GPD1L: variants seen among roughly 807,000 people sequenced by gnomAD.
The protein encoded by GPD1L is glycerol-3-phosphate dehydrogenase 1 like.
In GPD1L, 17 loss-of-function variants were observed where a neutral mutation model predicts 32.9. The observed-to-expected ratio is 0.52, with a 90% confidence interval of 0.35 to 0.78. The LOEUF (loss-of-function observed/expected upper bound fraction) is 0.78. Among genes scored for constraint, GPD1L ranks in the 30% least tolerant of loss-of-function variants. GPD1L has a pLI of 0.01. For synonymous variants in GPD1L, 187 were observed against 165.9 expected (o/e 1.13, Z -0.98); for missense variants, 361 against 447.8 (o/e 0.81, Z 1.75).
At chr3:32,107,215 T>C (rs1700176986) in intron 1 of GPD1L, among the ~76,000 whole-genome samples, 2 of 152,108 alleles carry the variant, frequency 1.3e-5, no homozygotes, top group South Asian at 4.1e-4. Context: ...GCTGCCCAGG[T>C]CACGGGCGGG....
intron 1 of GPD1L, among the ~76,000 whole-genome samples, chr3:32,123,035 G>T (rs944345524): frequency 2.0e-5 from 3 of 151,992 alleles, no homozygotes; most frequent in African/African-American, 7.2e-5. Context: ...CTCCTGAGTC[G>T]CTAGGACTAC....
chr3:32,108,944 G>T (rs908546745), intron 1 of GPD1L, among the ~76,000 whole-genome samples: 1 of 152,196 alleles, frequency 6.6e-6, no homozygotes. Context: ...CCGCTTCCTG[G>T]GTTCATGCCA....
At chr3:32,155,049 C>T (rs376513960) in intron 5 of GPD1L, among the ~76,000 whole-genome samples, 4 of 152,280 alleles carry the variant, frequency 2.6e-5, no homozygotes, top group African/African-American at 9.6e-5. Context: ...ACCGTTTTTA[C>T]CTCCCAAGCC....
chr3:32,160,378 G>T lies in GPD1L; in HGVS notation c.959+704G>T, dbSNP rs1205557492. On this transcript the variant is annotated intron_variant, in intron 7 of 7. Transcript: ENST00000282541. The stretch of plus-strand genomic sequence containing the variant: ...AGATGGATGGATGGATGGATGGATG[G>T]ATGGATTATGGATGGGTGCATGGGT... Among the ~76,000 whole-genome samples, 4 of 58,648 alleles carry T rather than the reference G, an allele frequency of 6.8e-5. 1 individual carries two copies. The highest frequency in any genetic ancestry group is 2.2e-4 in the African/African-American group (2 of 9,260). 38.5% of individuals were successfully genotyped at this position (58,648 alleles called of 152,430 possible).
intron 2 of GPD1L, among the ~76,000 whole-genome samples, chr3:32,130,384 A>G (rs1333909287): frequency 3.3e-5 from 5 of 152,092 alleles, no homozygotes; most frequent in African/African-American, 9.7e-5. Context: ...TACAGTTTTT[A>G]ATCATTGTTT....
chr3:32,106,671 G>T lies in GPD1L; in HGVS notation c.-41G>T. ...CTGAACAGGCGGAGGTGGGCAGCCG[G>T]CCAGGGAAGCACGGTCCAGGCGGCT... On this transcript the variant is annotated 5_prime_UTR_variant, in exon 1 of 8. Coordinates refer to ENST00000282541, the MANE Select transcript of GPD1L (RefSeq NM_015141.4). This position sits in a 1 kb window ranked among gnomAD's most constrained non-coding sequence, Gnocchi z 4.0. 6.7e-7 allele frequency: 1 copy of T among 1,499,522 alleles called. No individual in the cohort carries two copies. The highest frequency in any genetic ancestry group is 8.9e-7 in the Non-Finnish European group (1 of 1,121,254). 92.9% of individuals were successfully genotyped at this position (1,499,522 alleles called of 1,614,324 possible).
At chr3:32,124,214 C>T (rs764205416) in intron 1 of GPD1L, among the ~76,000 whole-genome samples, 19 of 152,108 alleles carry the variant, frequency 1.2e-4, no homozygotes, top group Non-Finnish European at 2.2e-4. Context: ...TACAGGCGCA[C>T]GCCACCATGC....
chr3:32,135,560 C>T (rs1226759173), intron 2 of GPD1L, among the ~76,000 whole-genome samples: 2 of 152,138 alleles, frequency 1.3e-5, no homozygotes, highest in East Asian at 3.9e-4. Flanking sequence ...TCAAGTGATT[C>T]TCATGCCTCA....
At chr3:32,129,488 T>C (rs1700557302) in intron 2 of GPD1L, among the ~76,000 whole-genome samples, 1 of 152,210 alleles carries the variant, frequency 6.6e-6, no homozygotes, top group Non-Finnish European at 1.5e-5. Context: ...ATACTACTGG[T>C]TTTCCTATTA....
chr3:32,150,921 G>A (rs998158560), intron 5 of GPD1L, among the ~76,000 whole-genome samples: 4 of 151,942 alleles, frequency 2.6e-5, no homozygotes, highest in African/African-American at 9.7e-5. Flanking sequence ...GAGACCCCCC[G>A]CATCTCTACA....
At chr3:32,108,119 C>A (rs1490639215) in intron 1 of GPD1L, among the ~76,000 whole-genome samples, 1 of 152,224 alleles carries the variant, frequency 6.6e-6, no homozygotes, top group African/African-American at 2.4e-5. Flanking sequence ...ACAACCAGGG[C>A]TGGGCGCAGT....
chr3:32,124,212 C>T (rs1700471190), intron 1 of GPD1L, among the ~76,000 whole-genome samples: 1 of 152,126 alleles, frequency 6.6e-6, no homozygotes, highest in Non-Finnish European at 1.5e-5. Context: ...ACTACAGGCG[C>T]ACGCCACCAT....
rs1205282761 is a variant in GPD1L at position 32,106,896 on chromosome 3, T to G, written c.47+138T>G. ...GAGGCGGGGTGGGCGACCTCGTTGC[T>G]GGGCTGGGCACCGTGCGCCCGAGGA... On this transcript the variant is annotated intron_variant, in intron 1 of 7. Coordinates refer to ENST00000282541, the MANE Select transcript of GPD1L (RefSeq NM_015141.4). The surrounding 1 kb of genome is among the most constrained non-coding windows in gnomAD (Gnocchi z 4.0). The G allele has an allele frequency of 1.3e-6, 1 of 755,370 alleles. No homozygotes were observed. Among genetic ancestry groups the G allele is most frequent in the African/African-American group, 1.8e-5 (1 of 54,484 alleles). 46.8% of individuals were successfully genotyped at this position (755,370 alleles called of 1,614,324 possible).
rs142837640 is a variant in GPD1L at position 32,122,058 on chromosome 3, C to T, written c.48-6018C>T. Among the ~76,000 whole-genome samples, 15 of 152,230 alleles carry T rather than the reference C, an allele frequency of 9.9e-5. No individual in the cohort carries two copies. The East Asian group carries it at 2.5e-3, about 25-fold the overall frequency. On this transcript the variant is annotated intron_variant, in intron 1 of 7. Transcript: ENST00000282541. ...TGCTGGGATTACAGGCGTGAGCCAC[C>T]GTGCGCAGCAGCACAGTTACATTTT...
chr3:32,106,654 G>A lies in GPD1L; in HGVS notation c.-58G>A. ...AGCCGCTGCGGGCAAGGCTGAACAG[G>A]CGGAGGTGGGCAGCCGGCCAGGGAA... On this transcript the variant is annotated 5_prime_UTR_variant, in exon 1 of 8. Coordinates refer to ENST00000282541, the MANE Select transcript of GPD1L (RefSeq NM_015141.4). The surrounding 1 kb of genome is among the most constrained non-coding windows in gnomAD (Gnocchi z 4.0). The A allele has an allele frequency of 6.8e-7, 1 of 1,461,312 alleles. No individual in the cohort carries two copies. The highest frequency in any genetic ancestry group is 9.1e-7 in the Non-Finnish European group (1 of 1,098,568). The allele number at this position is 1,461,312 out of a possible 1,614,324, so 90.5% of individuals were successfully genotyped here. A position where few individuals can be genotyped will look rare whatever the true frequency, so the allele number is the denominator to read the frequency against.
intron 1 of GPD1L, among the ~76,000 whole-genome samples, chr3:32,112,647 T>A (rs1294744228): frequency 6.6e-6 from 1 of 151,882 alleles, no homozygotes; most frequent in Admixed American, 6.6e-5. Flanking sequence ...CAAAAAAATA[T>A]ATATAATATA....
chr3:32,141,820 C>T (rs1452790991), intron 4 of GPD1L, among the ~76,000 whole-genome samples: 3 of 152,022 alleles, frequency 2.0e-5, no homozygotes, highest in Admixed American at 6.6e-5. Flanking sequence ...ATTTTAGATT[C>T]GGGGGTACAT....
Position 32,165,830 on chromosome 3 carries a change from G to A in GPD1L, c.976G>A (p.Ala326Thr). The change falls in exon 8 of 8, where the codon GCA (alanine) becomes ACA (threonine). Residue 326 changes from alanine (A) to threonine (T), a missense_variant. By Grantham distance (58) the Ala-to-Thr change is moderately conservative. Coordinates refer to ENST00000282541, the MANE Select transcript of GPD1L (RefSeq NM_015141.4). ...CCCAACTAGGTTTCCATTGTTTACT[G>A]CAGTGTATCAGATCTGCTACGAAAG... The part of the protein sequence containing the change: ...GLLDKFPLFT[A>T]VYQICYESRP... 1 of 1,597,410 alleles carries A rather than the reference G, an allele frequency of 6.3e-7. No homozygotes were observed. The highest frequency in any genetic ancestry group is 8.6e-7 in the Non-Finnish European group (1 of 1,164,764).
At chr3:32,120,402 A>T (rs2125473132) in intron 1 of GPD1L, among the ~76,000 whole-genome samples, 1 of 152,364 alleles carries the variant, frequency 6.6e-6, no homozygotes, top group East Asian at 1.9e-4. Context: ...CAGTGTTCAT[A>T]TAGAAAAAGT....
Sources: gnomAD v4.1 joint callset for allele counts (sites outside exome capture counted in the v4.1 genomes callset) on GRCh38, gnomAD v4.1.1 for gene constraint, Gnocchi (gnomAD v3.1) non-coding constraint, MANE v1.5 for transcripts, NCBI Gene and HGNC (gene_info 2026-07-23, HGNC 2026-07-21) for gene names.